GYPB: variants seen among roughly 807,000 people sequenced by gnomAD.
The protein encoded by GYPB is glycophorin B (MNS blood group).
In GYPB, 13 loss-of-function variants were observed where a neutral mutation model predicts 15.3. The observed-to-expected ratio is 0.85, with a 90% CI of 0.55 to 1.35. The LOEUF is 1.35. Ranked by LOEUF, GYPB falls within the 40% of genes most tolerant of loss-of-function variation. The pLI is 0.00. For missense variants in GYPB, 131 were observed against 108.3 expected (o/e 1.21, Z -0.93); for synonymous variants, 38 against 36.9 (o/e 1.03, Z -0.11).
At chr4:144,017,051 TTTA>T (rs1728539017) in intron 1 of GYPB, among the ~76,000 whole-genome samples, 1 of 150,756 alleles carries the variant, frequency 6.6e-6, no homozygotes, top group South Asian at 2.1e-4. Flanking sequence ...TGTTGTTCCA[TTTA>T]TTATCTGCAT....
At chr4:144,009,990 C>T (rs1180032277) in intron 1 of GYPB, among the ~76,000 whole-genome samples, 7 of 151,142 alleles carry the variant, frequency 4.6e-5, no homozygotes, top group Admixed American at 1.3e-4. Flanking sequence ...GGGGGCCAGC[C>T]GTTCACAGGC....
At chr4:144,018,691 C>T (rs1728630486) in intron 1 of GYPB, among the ~76,000 whole-genome samples, 1 of 151,048 alleles carries the variant, frequency 6.6e-6, no homozygotes, top group African/African-American at 2.5e-5. Context: ...TAAATTTCTC[C>T]TAAAATTCAC....
intron 1 of GYPB, among the ~76,000 whole-genome samples, chr4:144,004,832 C>T (rs1228488901): frequency 6.6e-6 from 1 of 151,820 alleles, no homozygotes; most frequent in East Asian, 1.9e-4. Flanking sequence ...ATATTCAATT[C>T]TGCAAAGCTG....
chr4:144,010,748 C>G (rs1434378220), intron 1 of GYPB, among the ~76,000 whole-genome samples: 1 of 151,362 alleles, frequency 6.6e-6, no homozygotes, highest in African/African-American at 2.5e-5. Context: ...TGACCAGTGG[C>G]TCATGCACAC....
chr4:143,996,090 C>T (rs564783388), downstream of GYPB: 4 of 1,319,254 alleles, frequency 3.0e-6, no homozygotes, highest in Non-Finnish European at 4.1e-6. Flanking sequence ...CAAATCATGA[C>T]TATAATACAT....
chr4:144,010,261 T>A (rs1418195659), intron 1 of GYPB, among the ~76,000 whole-genome samples: 1 of 151,152 alleles, frequency 6.6e-6, no homozygotes, highest in African/African-American at 2.5e-5. Flanking sequence ...GCCAGGAGCT[T>A]GAGACCAGCC....
Position 143,997,606 on chromosome 4 carries a change from C to G in GYPB, c.204G>C (p.Leu68Phe). 1.3e-6 allele frequency: 2 copies of G among 1,591,188 alleles called. No individual in the cohort carries two copies. Among genetic ancestry groups the G allele is most frequent in the Non-Finnish European group, 1.7e-6 (2 of 1,161,728 alleles). Reference protein sequence around the residue: ...PAPVVIILIILCVMAGIIGTI... With the variant: ...PAPVVIILIIFCVMAGIIGTI... ...TTCCAATAATACCAGCCATCACACA[C>G]AAAATAATGAGTATTATCACTACAG... The change falls in exon 4 of 5, where the codon TTG becomes TTC. Residue 68 changes from leucine (L) to phenylalanine (F), a missense_variant. Coordinates refer to ENST00000502664, the MANE Select transcript of GYPB (RefSeq NM_002100.6).
Position 144,014,783 on chromosome 4 carries a change from C to T in GYPB, c.37+4468G>A, listed in dbSNP as rs753304902. ...TGGTTCAAATGGTAAATTTATATTA[C>T]GTGTATTTTACTACAATTTTAAAAA... On this transcript the variant is annotated intron_variant, in intron 1 of 4. Transcript: ENST00000502664. Among the ~76,000 whole-genome samples the T allele has an allele frequency of 2.4e-4, 37 of 151,400 alleles. 1 individual carries two copies. The highest frequency in any genetic ancestry group is 8.5e-4 in the Admixed American group (13 of 15,254).
intron 1 of GYPB, among the ~76,000 whole-genome samples, chr4:144,017,372 G>C (rs780554973): frequency 4.7e-5 from 7 of 148,758 alleles, no homozygotes; most frequent in Non-Finnish European, 1.0e-4. Flanking sequence ...AAAAGAAAAA[G>C]ACTTCACCAT....
chr4:144,013,788 G>T (rs1728346832), intron 1 of GYPB, among the ~76,000 whole-genome samples: 1 of 150,030 alleles, frequency 6.7e-6, no homozygotes, highest in Non-Finnish European at 1.5e-5. Flanking sequence ...GGGGGAGGGG[G>T]AAGGGATAGC....
chr4:144,005,208 T>C (rs1579056468), intron 1 of GYPB, among the ~76,000 whole-genome samples: 2 of 152,082 alleles, frequency 1.3e-5, no homozygotes, highest in East Asian at 3.9e-4. Context: ...ACATTTGGTC[T>C]CATAAAAATT....
intron 1 of GYPB, chr4:144,016,703 G>C (rs1728517575): frequency 2.9e-6 from 1 of 340,828 alleles, no homozygotes. Context: ...TAATTTCCTA[G>C]TTGAAGTGAT....
intron 2 of GYPB, 45 bp from the exon 3 acceptor site, chr4:143,999,494 T>A: frequency 9.7e-7 from 1 of 1,026,952 alleles, no homozygotes; most frequent in African/African-American, 1.6e-5. Flanking sequence ...GAAAGACATG[T>A]GCAAAGAAAA....
intron 4 of GYPB, 170 bp downstream of exon 4, chr4:143,997,370 A>AAG: frequency 1.9e-6 from 1 of 515,852 alleles, no homozygotes; most frequent in Non-Finnish European, 3.5e-6. Flanking sequence ...GGCAAATGCA[A>AAG]AAAAAAAATT....
Position 143,999,426 on chromosome 4 carries a change from G to A in GYPB, c.160C>T (p.Arg54Cys), listed in dbSNP as rs757106926. 31 of 1,541,740 alleles carry A rather than the reference G, an allele frequency of 2.0e-5. No individual in the cohort carries two copies. The highest frequency in any genetic ancestry group is 2.5e-5 in the Non-Finnish European group (28 of 1,119,312). Residue 54 changes from arginine (R) to cysteine (C), a missense_variant, in exon 3 of 5, where the codon CGT becomes TGT. Coordinates refer to ENST00000502664, the MANE Select transcript of GYPB (RefSeq NM_002100.6). ...ATTAACATACCTGGTACAGTGAAAC[G>A]ATGGACAAGTTGTCCCGTTTCTCCT... ...TNGETGQLVH[R>C]FTVPAPVVII...
rs201667502 is a variant in GYPB, at chr4:144,017,337, C to CAA, written c.37+1912_37+1913dup. ...CAAGGCAATCGTCTTTTTTTCATAG[C>CAA]AAAAAAAAAAAAGAAAAAGAAAAAA... On this transcript the variant is annotated intron_variant, in intron 1 of 4. Coordinates refer to ENST00000502664, the MANE Select transcript of GYPB (RefSeq NM_002100.6). 1.1e-3 allele frequency among the ~76,000 whole-genome samples: 110 copies of CAA among 99,532 alleles called. 5 individuals carry two copies. Among genetic ancestry groups the CAA allele is most frequent in the African/African-American group, 3.4e-3 (100 of 29,350 alleles). The allele number at this position is 99,532 out of a possible 152,430, so 65.3% of individuals were successfully genotyped here.
chr4:144,000,895 G>T (rs562196015), intron 2 of GYPB, among the ~76,000 whole-genome samples: 2 of 151,192 alleles, frequency 1.3e-5, no homozygotes, highest in African/African-American at 4.9e-5. Context: ...CCGCACCACC[G>T]CACTATTAGG....
intron 1 of GYPB, among the ~76,000 whole-genome samples, chr4:144,006,238 T>C (rs1239805697): frequency 1.3e-5 from 2 of 152,068 alleles, no homozygotes; most frequent in African/African-American, 4.8e-5. Context: ...AAATGAAATA[T>C]TCAAAATTTG....
intron 1 of GYPB, among the ~76,000 whole-genome samples, chr4:144,017,630 T>G (rs1370081511): frequency 2.0e-5 from 3 of 151,190 alleles, no homozygotes; most frequent in Non-Finnish European, 4.4e-5. Context: ...AAAAAAATCA[T>G]TTCTTTGCCA....
Sources: gnomAD v4.1 joint callset for allele counts (sites outside exome capture counted in the v4.1 genomes callset) on GRCh38, gnomAD v4.1.1 for gene constraint, MANE v1.5 for transcripts, NCBI Gene and HGNC (gene_info 2026-07-23, HGNC 2026-07-21) for gene names.